The following TYR variants were observed in gnomAD, a reference collection of about 807,000 sequenced individuals.
TYR encodes the protein LB24-AB.
Under a neutral mutation model 51.5 loss-of-function variants are expected in TYR, and 58 were observed. The ratio of observed to expected loss-of-function variants is 1.13; its 90% CI spans 0.91 to 1.40. The LOEUF (loss-of-function observed/expected upper bound fraction) is 1.40, where lower values mean the gene tolerates loss of function less well. TYR is among the 40% of genes most tolerant of loss of function. The probability of loss-of-function intolerance (pLI) is 0.00; values close to 1 mark genes in which losing one functional copy is unlikely to be tolerated. For missense variants in TYR, 732 were observed against 647.4 expected, an observed-to-expected ratio of 1.13 and a Z score of -1.42; for synonymous variants, 263 against 235.2, an observed-to-expected ratio of 1.12 and a Z score of -1.08.
rs10526067 is a variant in TYR, at chr11:89,202,622, T to TACACACACACAC, written c.1036+11221_1036+11232dup. Among the ~76,000 whole-genome samples the TACACACACACAC allele has an allele frequency of 6.6e-3, 939 of 141,350 alleles. 8 individuals carry two copies. Among genetic ancestry groups the TACACACACACAC allele is most frequent in the African/African-American group, 0.017 (640 of 36,956 alleles). 92.7% of individuals were successfully genotyped at this position (141,350 alleles called of 152,430 possible). On this transcript the variant is annotated intron_variant, in intron 2 of 4. Coordinates refer to ENST00000263321, the MANE Select transcript of TYR (RefSeq NM_000372.5). ...CCAAAACTAGAATATATTTTCATAA[T>TACACACACACAC]ACACACACACACACACACACACACA...
At chr11:89,274,627 C>T (rs1339860563) in intron 3 of TYR, among the ~76,000 whole-genome samples, 1 of 151,790 alleles carries the variant, frequency 6.6e-6, no homozygotes, top group Non-Finnish European at 1.5e-5. Context: ...CAGAGATTAT[C>T]TTCTCTCTCC....
rs1944897631 is a variant in TYR, at chr11:89,295,398, C to A, written c.*32C>A. Reference sequence around the variant, plus strand: ...TAGGCAATAGAGTAGGGCCAAAAAGCCTGACCTCACTCTAACTCAAAGTAA... The same window carrying A: ...TAGGCAATAGAGTAGGGCCAAAAAGACTGACCTCACTCTAACTCAAAGTAA... On this transcript the variant is annotated 3_prime_UTR_variant, in exon 5 of 5. Transcript: ENST00000263321. The A allele has an allele frequency of 3.3e-6, 5 of 1,528,414 alleles. No homozygotes were observed. The highest frequency in any genetic ancestry group is 1.4e-5 in the African/African-American group (1 of 73,212). 94.7% of individuals were successfully genotyped at this position (1,528,414 alleles called of 1,614,324 possible).
intron 3 of TYR, among the ~76,000 whole-genome samples, chr11:89,278,573 G>T (rs910321625): frequency 1.3e-5 from 2 of 151,206 alleles, no homozygotes; most frequent in South Asian, 2.1e-4. Context: ...CTATCTTAAG[G>T]CTTCCTTGTT....
chr11:89,184,128 G>A (rs1565389014), intron 1 of TYR, among the ~76,000 whole-genome samples: 2 of 152,034 alleles, frequency 1.3e-5, no homozygotes, highest in Non-Finnish European at 2.9e-5. Context: ...GCAGTGTAAA[G>A]ACTAAGGTTT....
chr11:89,179,706 C>T (rs1565387347), intron 1 of TYR, among the ~76,000 whole-genome samples: 2 of 152,130 alleles, frequency 1.3e-5, no homozygotes, highest in African/African-American at 2.4e-5. Context: ...AGCTTTCTTT[C>T]TCAGTCCTTG....
chr11:89,211,347 A>G (rs1279175983), intron 2 of TYR, among the ~76,000 whole-genome samples: 2 of 152,108 alleles, frequency 1.3e-5, no homozygotes, highest in Non-Finnish European at 2.9e-5. Context: ...AATCAAAAGA[A>G]AAAAAGAAGG....
chr11:89,188,964 A>G (rs1943409266), intron 1 of TYR, among the ~76,000 whole-genome samples: 1 of 152,082 alleles, frequency 6.6e-6, no homozygotes, highest in Non-Finnish European at 1.5e-5. Context: ...AAGACAGTTT[A>G]TTTAGAAAAA....
chr11:89,187,758 T>A (rs1358990297), intron 1 of TYR, among the ~76,000 whole-genome samples: 3 of 152,074 alleles, frequency 2.0e-5, no homozygotes, highest in Non-Finnish European at 2.9e-5. Context: ...TGATTTACTG[T>A]TATTGAATTT....
chr11:89,229,305 T>G (rs1461530395), intron 3 of TYR, among the ~76,000 whole-genome samples: 1 of 152,076 alleles, frequency 6.6e-6, no homozygotes, highest in Non-Finnish European at 1.5e-5. Flanking sequence ...ACCAAAGTGT[T>G]GGTGTCAATA....
rs549791401 is a variant in TYR at position 89,220,222 on chromosome 11, G to T, written c.1037-7601G>T. Among the ~76,000 whole-genome samples, 31 of 152,196 alleles carry T rather than the reference G, an allele frequency of 2.0e-4. 1 individual carries two copies. In the South Asian group the frequency reaches 6.0e-3, roughly 30 times the overall value. ...CAGTGCTGACATCTGCCTGGCTTCTGGGGAGGCTGAAACTTACAATTATGG... is the reference window on the plus strand; with the variant it reads ...CAGTGCTGACATCTGCCTGGCTTCTTGGGAGGCTGAAACTTACAATTATGG... On this transcript the variant is annotated intron_variant, in intron 2 of 4. Coordinates refer to ENST00000263321, the MANE Select transcript of TYR (RefSeq NM_000372.5).
At chr11:89,201,007 A>G (rs1258170470) in intron 2 of TYR, among the ~76,000 whole-genome samples, 2 of 152,176 alleles carry the variant, frequency 1.3e-5, no homozygotes, top group Admixed American at 6.5e-5. Flanking sequence ...TGATTTTATA[A>G]TAGCATGCAT....
At chr11:89,244,001 C>T (rs12288824) in intron 3 of TYR, among the ~76,000 whole-genome samples, 69,113 of 151,684 alleles carry the variant, frequency 0.46, 16,908 homozygotes, top group African/African-American at 0.65. Flanking sequence ...GTAATGGACC[C>T]CTGGTTGGTA....
At chr11:89,228,314 GTCTT>G (rs1164874500) in intron 3 of TYR, among the ~76,000 whole-genome samples, 1 of 152,152 alleles carries the variant, frequency 6.6e-6, no homozygotes, top group African/African-American at 2.4e-5. Flanking sequence ...AGACAGATGA[GTCTT>G]TGTACTTCCA....
At chr11:89,281,936 C>T (rs527913421) in intron 3 of TYR, among the ~76,000 whole-genome samples, 39 of 151,840 alleles carry the variant, frequency 2.6e-4, no homozygotes, top group Admixed American at 1.5e-3. Flanking sequence ...ATGACTACCC[C>T]CTCCTCCCCA....
intron 2 of TYR, among the ~76,000 whole-genome samples, chr11:89,198,637 A>G (rs903849820): frequency 2.6e-5 from 4 of 152,158 alleles, no homozygotes; most frequent in Admixed American, 6.6e-5. Flanking sequence ...CATTTCATTG[A>G]TTAAACTAAA....
At chr11:89,238,469 T>G (rs1944149113) in intron 3 of TYR, among the ~76,000 whole-genome samples, 1 of 152,162 alleles carries the variant, frequency 6.6e-6, no homozygotes, top group African/African-American at 2.4e-5. Flanking sequence ...AAGTCATTTT[T>G]TAATTTTTAA....
chr11:89,214,993 G>C (rs1368086989), intron 2 of TYR, among the ~76,000 whole-genome samples: 1 of 151,990 alleles, frequency 6.6e-6, no homozygotes, highest in Non-Finnish European at 1.5e-5. Flanking sequence ...TTACAGCTTT[G>C]ATTTTTAGTA....
intron 1 of TYR, among the ~76,000 whole-genome samples, chr11:89,185,703 T>A (rs1167629284): frequency 6.6e-6 from 1 of 152,162 alleles, no homozygotes; most frequent in African/African-American, 2.4e-5. Flanking sequence ...GGGTGGACTC[T>A]CCTGAATTTC....
rs71052215 is a variant in TYR at position 89,198,770 on chromosome 11, T to TA, written c.1036+7352_1036+7353insA. Among the ~76,000 whole-genome samples the TA allele has an allele frequency of 1.3e-3, 185 of 146,622 alleles. 1 individual carries two copies. Among genetic ancestry groups the TA allele is most frequent in the African/African-American group, 4.8e-3 (175 of 36,524 alleles). On this transcript the variant is annotated intron_variant, in intron 2 of 4. Coordinates refer to ENST00000263321, the MANE Select transcript of TYR (RefSeq NM_000372.5). Reference sequence around the variant, plus strand: ...CTTTTTTCTCATATATATATATATATTTTTATACTTTAAGTTCTAGGGTAC... The same window carrying TA: ...CTTTTTTCTCATATATATATATATATATTTTATACTTTAAGTTCTAGGGTAC...
Sources: allele counts gnomAD v4.1 joint callset (sites outside exome capture counted in the v4.1 genomes callset), GRCh38; gene constraint gnomAD v4.1.1; transcripts MANE v1.5; gene names NCBI Gene and HGNC (gene_info 2026-07-23, HGNC 2026-07-21).